The following ASIC2 variants were observed in gnomAD, a reference collection of about 807,000 sequenced individuals.
ASIC2 encodes the protein acid sensing ion channel subunit 2.
In ASIC2, 25 loss-of-function variants were observed where a neutral mutation model predicts 57.3. The ratio of observed to expected loss-of-function variants is 0.44; its 90% CI spans 0.32 to 0.61. The LOEUF (loss-of-function observed/expected upper bound fraction) is 0.61. ASIC2 is among the 20% of genes least tolerant of loss of function. ASIC2 has a pLI of 0.06. For synonymous variants in ASIC2, 319 were observed against 307.5 expected (o/e 1.04, Z -0.39); for missense variants, 641 against 738.1 (o/e 0.87, Z 1.52).
At chr17:33,308,912 G>A (rs921849923) in intron 1 of ASIC2, among the ~76,000 whole-genome samples, 1 of 152,168 alleles carries the variant, frequency 6.6e-6, no homozygotes, top group African/African-American at 2.4e-5. Flanking sequence ...GGGTAGACAG[G>A]GTTTGAACTG....
At chr17:33,343,180 T>G (rs1019480343) in intron 1 of ASIC2, among the ~76,000 whole-genome samples, 1 of 151,812 alleles carries the variant, frequency 6.6e-6, no homozygotes, top group African/African-American at 2.4e-5. Flanking sequence ...CCCAGATGGG[T>G]CCTGCCCAGG....
intron 1 of ASIC2, among the ~76,000 whole-genome samples, chr17:33,559,673 A>G (rs1213074043): frequency 6.6e-6 from 1 of 152,174 alleles, no homozygotes; most frequent in African/African-American, 2.4e-5. Context: ...CTCTGCAGCC[A>G]GAGTGATATT....
chr17:33,614,969 C>T (rs1249203218), intron 1 of ASIC2, among the ~76,000 whole-genome samples: 1 of 152,196 alleles, frequency 6.6e-6, no homozygotes, highest in Non-Finnish European at 1.5e-5. Flanking sequence ...CATAGGCTTG[C>T]TGTGTCTGTC....
At chr17:34,020,893 C>T (rs551426173) in intron 1 of ASIC2, among the ~76,000 whole-genome samples, 2 of 152,296 alleles carry the variant, frequency 1.3e-5, no homozygotes, top group South Asian at 4.1e-4. Flanking sequence ...TTTTAAGTTG[C>T]TAAGTTTATG....
intron 1 of ASIC2, among the ~76,000 whole-genome samples, chr17:33,748,518 AG>A (rs1375800801): frequency 6.6e-6 from 1 of 152,208 alleles, no homozygotes; most frequent in Non-Finnish European, 1.5e-5. Context: ...GCTTCCTGAT[AG>A]GAAAGAAAAA....
chr17:33,046,743 G>A (rs1277507884), intron 3 of ASIC2, among the ~76,000 whole-genome samples: 1 of 152,228 alleles, frequency 6.6e-6, no homozygotes, highest in African/African-American at 2.4e-5. Flanking sequence ...GTGGCAACAT[G>A]TCAGGGTCTG....
At chr17:33,412,363 T>C (rs561208192) in intron 1 of ASIC2, among the ~76,000 whole-genome samples, 1 of 152,338 alleles carries the variant, frequency 6.6e-6, no homozygotes, top group South Asian at 2.1e-4. Context: ...TCATGGTAAC[T>C]GCAGAGGGGT....
intron 1 of ASIC2, among the ~76,000 whole-genome samples, chr17:33,527,800 G>T (rs1486791114): frequency 6.6e-6 from 1 of 152,092 alleles, no homozygotes; most frequent in Non-Finnish European, 1.5e-5. Flanking sequence ...TGGATAGGGG[G>T]TCATGGAGCC....
At chr17:34,008,760 C>T (rs1906613448) in intron 1 of ASIC2, among the ~76,000 whole-genome samples, 1 of 152,244 alleles carries the variant, frequency 6.6e-6, no homozygotes, top group African/African-American at 2.4e-5. Flanking sequence ...AAACCCTTCT[C>T]CAGCACCCTG....
intron 1 of ASIC2, among the ~76,000 whole-genome samples, chr17:33,682,145 C>T (rs923067969): frequency 4.7e-5 from 7 of 149,016 alleles, no homozygotes; most frequent in Admixed American, 1.4e-4. Flanking sequence ...CTGCAAGCTC[C>T]GCCTCCCGAG....
chr17:33,909,841 A>G (rs1471439601), intron 1 of ASIC2, among the ~76,000 whole-genome samples: 1 of 152,210 alleles, frequency 6.6e-6, no homozygotes, highest in Non-Finnish European at 1.5e-5. Flanking sequence ...CGTTTCTTTG[A>G]AATGATGGAT....
intron 1 of ASIC2, among the ~76,000 whole-genome samples, chr17:33,555,381 A>G (rs1448075611): frequency 6.6e-6 from 1 of 151,326 alleles, no homozygotes; most frequent in East Asian, 1.9e-4. Flanking sequence ...GAATGATACT[A>G]TTTGTTTGGA....
intron 1 of ASIC2, among the ~76,000 whole-genome samples, chr17:33,770,927 T>G (rs1911084489): frequency 6.6e-6 from 1 of 152,264 alleles, no homozygotes; most frequent in East Asian, 1.9e-4. Context: ...ACATTCATTG[T>G]CTGGGTATTA....
chr17:33,975,716 C>T lies in ASIC2; in HGVS notation c.555+180262G>A, dbSNP rs575424366. ...CAATAATTTCCTCTCCTAGATGCTT[C>T]CTCTCTTTGGTTTGGCTCCCACATC... On this transcript the variant is annotated intron_variant, in intron 1 of 9. Coordinates refer to the ASIC2 transcript ENST00000359872. Among the ~76,000 whole-genome samples the T allele has an allele frequency of 5.3e-5, 8 of 152,162 alleles. No homozygotes were observed. In the South Asian group the frequency reaches 1.2e-3, roughly 24 times the overall value.
intron 1 of ASIC2, among the ~76,000 whole-genome samples, chr17:34,061,374 A>G (rs1244033240): frequency 3.3e-5 from 5 of 152,210 alleles, no homozygotes; most frequent in Admixed American, 6.5e-5. Flanking sequence ...CAAATCCTGG[A>G]AACACATCAA....
chr17:33,833,297 T>C (rs1178343759), intron 1 of ASIC2, among the ~76,000 whole-genome samples: 1 of 152,198 alleles, frequency 6.6e-6, no homozygotes, highest in African/African-American at 2.4e-5. Context: ...AAGTGCAGTA[T>C]TGGTTTTATA....
Position 34,050,487 on chromosome 17 carries a change from A to G in ASIC2, c.555+105491T>C, listed in dbSNP as rs138284663. 7.7e-4 allele frequency among the ~76,000 whole-genome samples: 118 copies of G among 152,344 alleles called. 1 individual carries two copies. In the East Asian group the frequency reaches 9.3e-3, roughly 12 times the overall value. On this transcript the variant is annotated intron_variant, in intron 1 of 9. Coordinates refer to the ASIC2 transcript ENST00000359872. Reference sequence around the variant, plus strand: ...TTGAAAAATCTCTTCCCACTTAATCAGAATATCAGAATCACAGAACTCAAA... The same window carrying G: ...TTGAAAAATCTCTTCCCACTTAATCGGAATATCAGAATCACAGAACTCAAA...
chr17:33,105,019 G>A (rs2092229662), intron 2 of ASIC2, among the ~76,000 whole-genome samples: 1 of 152,190 alleles, frequency 6.6e-6, no homozygotes, highest in Non-Finnish European at 1.5e-5. Flanking sequence ...CACAATTTCA[G>A]CATTGTGTTT....
chr17:33,750,934 A>AAAT (rs1910411398), intron 1 of ASIC2, among the ~76,000 whole-genome samples: 1 of 152,198 alleles, frequency 6.6e-6, no homozygotes, highest in Non-Finnish European at 1.5e-5. Flanking sequence ...AGACTCAGGG[A>AAAT]AATAAAGTAA....
Sources: gnomAD v4.1 joint callset for allele counts (sites outside exome capture counted in the v4.1 genomes callset) on GRCh38, gnomAD v4.1.1 for gene constraint, MANE v1.5 for transcripts, NCBI Gene and HGNC (gene_info 2026-07-23, HGNC 2026-07-21) for gene names.